Variants in NKX2-1 observed in about 807,000 individuals in gnomAD.
NKX2-1 encodes the protein NK2 homeobox 1.
NKX2-1 carries 9 observed loss-of-function variants against 35.1 expected under a neutral mutation model. The ratio of observed to expected loss-of-function variants is 0.26; its 90% CI spans 0.15 to 0.45. The LOEUF is 0.45. Ranked by LOEUF, NKX2-1 falls within the 20% of genes least tolerant of loss-of-function variation. The pLI, the probability that NKX2-1 is intolerant of heterozygous loss-of-function variation, is 1.00. For synonymous variants in NKX2-1, 284 were observed against 269.9 expected (o/e 1.05, Z -0.51); for missense variants, 509 against 589.1 (o/e 0.86, Z 1.41).
intron 2 of NKX2-1, 40 bp from the exon 3 acceptor site, chr14:36,518,060 C>T (rs773441660): frequency 6.3e-7 from 1 of 1,590,310 alleles, no homozygotes; most frequent in African/African-American, 1.3e-5. Flanking sequence ...GGGGCCAGGC[C>T]GAGCCAGGCC....
Position 36,517,857 on chromosome 14 carries a change from G to T in NKX2-1, c.627C>A (p.Arg209=). ...CCGACAGGTACTTCTGTTGCTTGAA[G>T]CGTCGCTCCAGCTCGTACACCTGCG... ...SQAQVYELER[R]FKQQKYLSAP... Residue 209 remains arginine (R), a synonymous_variant, in exon 3 of 3, where the codon CGC becomes CGA. Coordinates refer to ENST00000354822, the MANE Select transcript of NKX2-1 (RefSeq NM_001079668.3). 1 of 1,612,422 alleles carries T rather than the reference G, an allele frequency of 6.2e-7. No homozygotes were observed. The highest frequency in any genetic ancestry group is 1.3e-5 in the African/African-American group (1 of 75,048).
At chr14:36,518,894 G>T in intron 2 of NKX2-1, 91 bp downstream of exon 2, 1 of 1,375,984 alleles carries the variant, frequency 7.3e-7, no homozygotes. Context: ...GATGCCCAGC[G>T]CGCAGCCTGC....
intron 1 of NKX2-1, chr14:36,519,602 G>T: frequency 6.5e-7 from 1 of 1,533,304 alleles, no homozygotes; most frequent in Non-Finnish European, 8.7e-7. Context: ...ACCAGAGGCG[G>T]GGCGTAAGCG....
At position 36,520,112 on chromosome 14, in the gene NKX2-1, A is replaced by G. The variant is rs1005311801; in HGVS notation, c.18T>C (p.Ser6=). The G allele has an allele frequency of 3.1e-6, 5 of 1,613,014 alleles. No homozygotes were observed. Among genetic ancestry groups the G allele is most frequent in the South Asian group, 1.1e-5 (1 of 91,058 alleles). Residue 6 remains serine, a synonymous_variant, in exon 1 of 3, where the codon AGT becomes AGC. Transcript: ENST00000354822. The stretch of plus-strand genomic sequence containing the variant: ...CGGCCTCCCAGCCCCGCGCCTTCCC[A>G]CTGCCTCCGGACCACATCGGGCTTC... MWSGG[S]GKARGWEAAA...
intron 1 of NKX2-1, 105 bp from the exon 2 acceptor site, chr14:36,519,475 C>T (rs1456649293): frequency 9.7e-6 from 15 of 1,549,230 alleles, no homozygotes; most frequent in Non-Finnish European, 1.3e-5. Flanking sequence ...TACCTTAACG[C>T]CGATCTTGTT....
At chr14:36,518,958 G>T in intron 2 of NKX2-1, 27 bp downstream of exon 2, 1 of 1,540,402 alleles carries the variant, frequency 6.5e-7, no homozygotes, top group Admixed American at 1.9e-5. Flanking sequence ...TCAGCCCGCG[G>T]CCCCGCAGTG....
rs1594406480 is a variant in NKX2-1, at chr14:36,518,916, CT to C, written c.463+68del. The C allele has an allele frequency of 9.9e-6, 14 of 1,409,804 alleles. No homozygotes were observed. The East Asian group carries it at 3.9e-4, about 39-fold the overall frequency. 87.3% of individuals were successfully genotyped at this position (1,409,804 alleles called of 1,614,324 possible). A position where few individuals can be genotyped will look rare whatever the true frequency, so the allele number is the denominator to read the frequency against. ...AGCGCGCAGCCTGCCGGCGCCGCGC[CT>C]TCTGGACGGCTCTCGCCGCACCTCC... is the stretch of plus-strand genomic sequence containing the variant. On this transcript the variant is annotated intron_variant, in intron 2 of 2. Coordinates refer to ENST00000354822, the MANE Select transcript of NKX2-1 (RefSeq NM_001079668.3).
chr14:36,517,341 G>T lies in NKX2-1; in HGVS notation c.1143C>A (p.Asn381Lys). ...TGGTGCCGTAGTCCGAGCCCGAGGA[G>T]TTCAGGTGGGACAGGCTGGATACCT... ...QGQVSSLSHL[N>K]SSGSDYGTMS... Residue 381 changes from asparagine to lysine, a missense_variant, in exon 3 of 3, where the codon AAC becomes AAA. Around this residue, in one of 5 missense-constraint regions of NKX2-1, gnomAD observed 212 missense variants for 227.7 expected, o/e 0.93. Coordinates refer to ENST00000354822, the MANE Select transcript of NKX2-1 (RefSeq NM_001079668.3). The T allele has an allele frequency of 6.2e-7, 1 of 1,611,734 alleles. No individual in the cohort carries two copies. Among genetic ancestry groups the T allele is most frequent in the Non-Finnish European group, 8.5e-7 (1 of 1,179,626 alleles).
In NKX2-1 at chr14:36,517,329, C is replaced by T; in HGVS notation, c.1155G>A (p.Ser385=). The change falls in exon 3 of 3, where the codon TCG becomes TCA. Residue 385 remains serine, a synonymous_variant. Coordinates refer to ENST00000354822, the MANE Select transcript of NKX2-1 (RefSeq NM_001079668.3). ...SSLSHLNSSG[S]DYGTMSCSTL... ...TGGAGCAGGACATGGTGCCGTAGTC[C>T]GAGCCCGAGGAGTTCAGGTGGGACA... 1 of 1,612,000 alleles carries T rather than the reference C, an allele frequency of 6.2e-7. No homozygotes were observed. The highest frequency in any genetic ancestry group is 1.3e-5 in the African/African-American group (1 of 75,052).
chr14:36,519,841 G>A, intron 1 of NKX2-1: 1 of 1,185,476 alleles, frequency 8.4e-7, no homozygotes, highest in Non-Finnish European at 1.2e-6. Flanking sequence ...GAGGGGAGGG[G>A]AAGGAGGAGG....
Position 36,519,781 on chromosome 14 carries a change from C to A in NKX2-1, c.77+272G>T. ...AAGCATTTCCCCCCTCCCTTGGACACCCCCACCCCCATTTTTTGTGGGGTA... is the reference window on the plus strand; with the variant it reads ...AAGCATTTCCCCCCTCCCTTGGACAACCCCACCCCCATTTTTTGTGGGGTA... On this transcript the variant is annotated intron_variant, in intron 1 of 2. Coordinates refer to ENST00000354822, the MANE Select transcript of NKX2-1 (RefSeq NM_001079668.3). 2.1e-6 allele frequency: 3 copies of A among 1,439,868 alleles called. No individual in the cohort carries two copies. The African/African-American group carries it at 4.3e-5, about 20-fold the overall frequency. The allele number at this position is 1,439,868 out of a possible 1,614,324, so 89.2% of individuals were successfully genotyped here. A position where few individuals can be genotyped will look rare whatever the true frequency, so the allele number is the denominator to read the frequency against.
chr14:36,519,887 G>A (rs745950672), intron 1 of NKX2-1, among the ~76,000 whole-genome samples, 166 bp downstream of exon 1: 2 of 152,144 alleles, frequency 1.3e-5, no homozygotes, highest in Non-Finnish European at 1.5e-5. Flanking sequence ...GTGGGGTGGG[G>A]GAGTAACAGA....
At position 36,516,835 on chromosome 14, in the gene NKX2-1, C is replaced by A; in HGVS notation, c.*443G>T. 4.3e-6 allele frequency: 1 copy of A among 233,060 alleles called. No homozygotes were observed. Among genetic ancestry groups the A allele is most frequent in the East Asian group, 6.1e-5 (1 of 16,320 alleles). 14.4% of individuals were successfully genotyped at this position (233,060 alleles called of 1,614,324 possible). On this transcript the variant is annotated 3_prime_UTR_variant, in exon 3 of 3. Coordinates refer to ENST00000354822, the MANE Select transcript of NKX2-1 (RefSeq NM_001079668.3). ...CTCCCTTCAAAAAAAAAAAAAAATC[C>A]TGGTATTTACAAGCGAGTCCTCTTT...
Position 36,517,003 on chromosome 14 carries a change from G to T in NKX2-1, c.*275C>A. 1.8e-6 allele frequency: 1 copy of T among 560,468 alleles called. No individual in the cohort carries two copies. The highest frequency in any genetic ancestry group is 3.0e-6 in the Non-Finnish European group (1 of 333,194). The allele number at this position is 560,468 out of a possible 1,614,324, so 34.7% of individuals were successfully genotyped here. ...AAAAGACACCCCAAAGCTGTTTTAT[G>T]CCCTTCTCTGCTTAAAGATTCCTTG... On this transcript the variant is annotated 3_prime_UTR_variant, in exon 3 of 3. Transcript: ENST00000354822.
Position 36,517,446 on chromosome 14 carries a change from G to C in NKX2-1, c.1038C>G (p.His346Gln), listed in dbSNP as rs767782176. Reference protein sequence around the residue: ...VGSGGAGLGAHPGHQPGSAGQ... With the variant: ...VGSGGAGLGAQPGHQPGSAGQ... ...CTGCGCTGCCTGGCTGGTGGCCCGG[G>C]TGTGCGCCAAGGCCGGCGCCACCGC... Residue 346 changes from histidine (H) to glutamine (Q), a missense_variant, in exon 3 of 3, where the codon CAC (histidine) becomes CAG (glutamine). Physicochemically the swap from His to Gln is conservative, Grantham distance 24 (BLOSUM62 0). This residue lies in a region of NKX2-1 where 212 missense variants were observed against 227.7 expected (regional missense o/e 0.93). Coordinates refer to ENST00000354822, the MANE Select transcript of NKX2-1 (RefSeq NM_001079668.3). 1 of 1,493,906 alleles carries C rather than the reference G, an allele frequency of 6.7e-7. No individual in the cohort carries two copies. The highest frequency in any genetic ancestry group is 1.3e-5 in the South Asian group (1 of 77,024). 92.5% of individuals were successfully genotyped at this position (1,493,906 alleles called of 1,614,324 possible).
Position 36,517,098 on chromosome 14 carries a change from G to GA in NKX2-1, c.*179dup, listed in dbSNP as rs200848675. 1.3e-5 allele frequency: 15 copies of GA among 1,163,444 alleles called. No individual in the cohort carries two copies. The highest frequency in any genetic ancestry group is 3.2e-5 in the African/African-American group (2 of 62,986). The allele number at this position is 1,163,444 out of a possible 1,614,324, so 72.1% of individuals were successfully genotyped here. A position where few individuals can be genotyped will look rare whatever the true frequency, so the allele number is the denominator to read the frequency against. Reference sequence around the variant, plus strand: ...AAAAAACCCACAAATTTTAGGGGGGGAAAAAAAGAAAGACGTCCAGCAGTT... The same window carrying GA: ...AAAAAACCCACAAATTTTAGGGGGGGAAAAAAAAGAAAGACGTCCAGCAGTT... On this transcript the variant is annotated 3_prime_UTR_variant, in exon 3 of 3. Transcript: ENST00000354822.
Position 36,517,378 on chromosome 14 carries a change from G to C in NKX2-1, c.1106C>G (p.Ala369Gly). Residue 369 changes from alanine to glycine, a missense_variant, in exon 3 of 3, where the codon GCG (alanine) becomes GGG (glycine). Physicochemically the swap from Ala to Gly is moderately conservative, Grantham distance 60. Transcript: ENST00000354822. ...CAGGCTGGATACCTGGCCCTGCAGC[G>C]CCGCGGGGCTGGCGGCGTGGTGCGC... Reference protein sequence around the residue: ...DLAHHAASPAALQGQVSSLSH... With the variant: ...DLAHHAASPAGLQGQVSSLSH... 1 of 1,605,730 alleles carries C rather than the reference G, an allele frequency of 6.2e-7. No individual in the cohort carries two copies. Among genetic ancestry groups the C allele is most frequent in the South Asian group, 1.1e-5 (1 of 89,218 alleles).
At chr14:36,519,706 A>G in intron 1 of NKX2-1, 1 of 1,506,382 alleles carries the variant, frequency 6.6e-7, no homozygotes, top group South Asian at 1.2e-5. Flanking sequence ...TTCACTTGTC[A>G]GGATTTTTAG....
chr14:36,519,100 G>A lies in NKX2-1; in HGVS notation c.348C>T (p.Tyr116=), dbSNP rs1292946504. 2 of 1,603,944 alleles carry A rather than the reference G, an allele frequency of 1.2e-6. No homozygotes were observed. Among genetic ancestry groups the A allele is most frequent in the South Asian group, 1.1e-5 (1 of 90,950 alleles). Residue 116 remains tyrosine, a synonymous_variant, in exon 2 of 3, where the codon TAC becomes TAT. Coordinates refer to ENST00000354822, the MANE Select transcript of NKX2-1 (RefSeq NM_001079668.3). ...PQLSHSAVGG[Y]CNGNLGNMSE... ...TCATGTTGCCCAGGTTGCCGTTGCA[G>A]TAGCCCCCCACGGCGGAGTGCGAGA... is the stretch of plus-strand genomic sequence containing the variant.
Sources: gnomAD v4.1 joint callset for allele counts (sites outside exome capture counted in the v4.1 genomes callset) on GRCh38, gnomAD v4.1.1 for gene constraint, gnomAD v4.1.1 regional missense constraint, MANE v1.5 for transcripts, NCBI Gene and HGNC (gene_info 2026-07-23, HGNC 2026-07-21) for gene names.